PCDH10: variants seen among roughly 807,000 people sequenced by gnomAD.
PCDH10 encodes protocadherin-10.
A neutral mutation model predicts 74.4 loss-of-function variants in PCDH10; 15 were observed. That is an observed-to-expected ratio of 0.20 (90% CI 0.13 to 0.31). The LOEUF is 0.31. Among genes scored for constraint, PCDH10 ranks in the 10% least tolerant of loss-of-function variants. The pLI is 1.00. For missense variants in PCDH10, 1,260 were observed against 1,390.2 expected, an observed-to-expected ratio of 0.91 and a Z score of 1.49; for synonymous variants, 619 against 589.8, an observed-to-expected ratio of 1.05 and a Z score of -0.72.
intron 4 of PCDH10, among the ~76,000 whole-genome samples, chr4:133,185,267 T>G (rs1727522345): frequency 6.6e-6 from 1 of 151,080 alleles, no homozygotes; most frequent in African/African-American, 2.4e-5. Context: ...CCAAACAATA[T>G]ACAACTATAT....
intron 4 of PCDH10, among the ~76,000 whole-genome samples, chr4:133,181,609 G>T (rs1462599121): frequency 6.6e-6 from 1 of 151,810 alleles, no homozygotes; most frequent in Non-Finnish European, 1.5e-5. Context: ...CCAACTCAAG[G>T]GGTTATCAGA....
At chr4:133,197,969 T>TTGTG (rs70957500), downstream of PCDH10, among the ~76,000 whole-genome samples, 12,379 of 144,904 alleles carry the variant, frequency 0.085, 562 homozygotes, top group Non-Finnish European at 0.11. Context: ...TCTCTCAAAA[T>TTGTG]TGTGTGTGTG....
At chr4:133,201,625 G>A (rs957464591) in intron 2 of PCDH10, among the ~76,000 whole-genome samples, 3 of 152,068 alleles carry the variant, frequency 2.0e-5, no homozygotes, top group African/African-American at 7.2e-5. Context: ...GGGAGGCCAA[G>A]GTGGGCAGAT....
At chr4:133,202,247 T>C (rs1459874002) in intron 2 of PCDH10, among the ~76,000 whole-genome samples, 1 of 152,146 alleles carries the variant, frequency 6.6e-6, no homozygotes, top group Non-Finnish European at 1.5e-5. Flanking sequence ...TTGCAGAGAA[T>C]ACAGATGTGG....
chr4:133,172,233 G>T (rs1443912947), intron 4 of PCDH10, among the ~76,000 whole-genome samples: 1 of 151,860 alleles, frequency 6.6e-6, no homozygotes, highest in African/African-American at 2.4e-5. Flanking sequence ...TTTACACTTT[G>T]CTTGTAAAAG....
chr4:133,152,279 C>T lies in PCDH10; in HGVS notation c.2139C>T (p.Asp713=). 3.1e-6 allele frequency: 5 copies of T among 1,614,030 alleles called. 1 individual carries two copies. The Middle Eastern group carries it at 6.6e-4, about 213-fold the overall frequency. Residue 713 remains aspartate, a synonymous_variant, in exon 1 of 5, where the codon GAC becomes GAT. Coordinates refer to ENST00000264360, the MANE Select transcript of PCDH10 (RefSeq NM_032961.3). ...SRSGGGETSL[D]LTLILIIALG... is the part of the protein sequence containing the mutation. ...CTGGCGGCGGGGAAACCTCGCTAGA[C>T]CTCACCCTCATCCTCATCATCGCGT... is the stretch of plus-strand genomic sequence containing the variant.
intron 4 of PCDH10, among the ~76,000 whole-genome samples, chr4:133,184,238 T>C (rs1727480712): frequency 1.3e-5 from 2 of 152,080 alleles, no homozygotes; most frequent in South Asian, 4.1e-4. Context: ...CCTGTCAAAA[T>C]AGAATAAAAA....
chr4:133,172,950 A>T (rs555170883), intron 4 of PCDH10, among the ~76,000 whole-genome samples: 95 of 152,080 alleles, frequency 6.2e-4, no homozygotes, highest in Admixed American at 1.6e-3. Context: ...CTTTATGGCT[A>T]GTCTATCAGA....
At chr4:133,153,222 CAAGT>C in intron 1 of PCDH10, 1 of 1,049,588 alleles carries the variant, frequency 9.5e-7, no homozygotes, top group African/African-American at 1.7e-5. Context: ...GTCGCGTGTA[CAAGT>C]AAGCTATAGA....
intron 4 of PCDH10, among the ~76,000 whole-genome samples, chr4:133,169,351 G>T (rs184869292): frequency 4.6e-5 from 7 of 151,662 alleles, no homozygotes; most frequent in East Asian, 1.9e-4. Flanking sequence ...TCATTTAAGG[G>T]CATATAGAGA....
At chr4:133,159,024 G>A (rs1254464726) in intron 3 of PCDH10, among the ~76,000 whole-genome samples, 2 of 151,890 alleles carry the variant, frequency 1.3e-5, no homozygotes, top group African/African-American at 4.8e-5. Flanking sequence ...AAAACATACT[G>A]CAATTTTTGT....
chr4:133,208,478 C>T (rs895266684), exon 3 of PCDH10: 1 of 152,000 alleles, frequency 6.6e-6, no homozygotes, highest in African/African-American at 2.4e-5. Flanking sequence ...TGTTGCTTTA[C>T]CTTCGTCTTC....
intron 3 of PCDH10, among the ~76,000 whole-genome samples, chr4:133,160,471 C>T (rs1726944469): frequency 6.7e-6 from 1 of 150,202 alleles, no homozygotes; most frequent in African/African-American, 2.4e-5. Context: ...CTTGTGTGAA[C>T]TTTACTACAT....
rs777517473 is a variant in PCDH10, at chr4:133,150,347, G to T, written c.207G>T (p.Glu69Asp). ...CCCCTTACTTAGACCTCAACCTGGA[G>T]ACAGGGGTGCTGTACGTGAACGAGA... ...SRTPYLDLNL[E>D]TGVLYVNEKI... The change falls in exon 1 of 5, where the codon GAG (glutamate) becomes GAT (aspartate). Residue 69 changes from glutamate to aspartate, a missense_variant. This residue lies in a region of PCDH10 where 103 missense variants were observed against 91.5 expected (regional missense o/e 1.13). Coordinates refer to ENST00000264360, the MANE Select transcript of PCDH10 (RefSeq NM_032961.3). 5 of 1,613,800 alleles carry T rather than the reference G, an allele frequency of 3.1e-6. No homozygotes were observed. The highest frequency in any genetic ancestry group is 4.2e-6 in the Non-Finnish European group (5 of 1,179,904).
At chr4:133,155,296 A>G (rs890861570) in intron 3 of PCDH10, among the ~76,000 whole-genome samples, 2 of 152,262 alleles carry the variant, frequency 1.3e-5, no homozygotes, top group Non-Finnish European at 2.9e-5. Context: ...TAATGGACAC[A>G]TTGCATACAG....
In PCDH10 at chr4:133,153,275, G is replaced by C. The variant is rs1025992748; in HGVS notation, c.2631+504G>C. On this transcript the variant is annotated intron_variant, in intron 1 of 4. Coordinates refer to ENST00000264360, the MANE Select transcript of PCDH10 (RefSeq NM_032961.3). ...CACAGTTGTCTAACCTCGAATTCAT[G>C]TTTTAGTGAACAAGTTACCAGATCC... is the stretch of plus-strand genomic sequence containing the variant. 3.0e-6 allele frequency: 3 copies of C among 1,008,252 alleles called. No homozygotes were observed. The African/African-American group carries it at 5.2e-5, about 18-fold the overall frequency. The allele number at this position is 1,008,252 out of a possible 1,614,324, so 62.5% of individuals were successfully genotyped here. A position where few individuals can be genotyped will look rare whatever the true frequency, so the allele number is the denominator to read the frequency against.
At chr4:133,160,017 A>G (rs1391481257) in intron 3 of PCDH10, among the ~76,000 whole-genome samples, 1 of 152,012 alleles carries the variant, frequency 6.6e-6, no homozygotes, top group African/African-American at 2.4e-5. Context: ...AGTATCTTCC[A>G]AAGGTGAGGA....
At position 133,151,423 on chromosome 4, in the gene PCDH10, C is replaced by A. The variant is rs115793740; in HGVS notation, c.1283C>A (p.Ser428Tyr). Reference protein sequence around the residue: ...EAPLDREAGDSYTLTVVARDR... With the variant: ...EAPLDREAGDYYTLTVVARDR... The stretch of plus-strand genomic sequence containing the variant: ...CCCCTGGACCGAGAGGCGGGGGACT[C>A]CTACACCCTGACTGTAGTGGCTCGG... Residue 428 changes from serine (S) to tyrosine (Y), a missense_variant, in exon 1 of 5, where the codon TCC (serine) becomes TAC (tyrosine). Ser to Tyr is a moderately radical substitution (Grantham distance 144). Transcript: ENST00000264360. 6.2e-7 allele frequency: 1 copy of A among 1,614,064 alleles called. No individual in the cohort carries two copies. The highest frequency in any genetic ancestry group is 1.1e-5 in the South Asian group (1 of 91,086).
chr4:133,163,045 C>G lies in PCDH10; in HGVS notation c.2866C>G (p.Pro956Ala). 6.2e-7 allele frequency: 1 copy of G among 1,614,152 alleles called. No homozygotes were observed. The highest frequency in any genetic ancestry group is 8.5e-7 in the Non-Finnish European group (1 of 1,180,006). The change falls in exon 4 of 5, where the codon CCT becomes GCT. Residue 956 changes from proline (P) to alanine (A), a missense_variant. By Grantham distance (27) the Pro-to-Ala change is conservative (BLOSUM62 -1). Around this residue, in one of 11 missense-constraint regions of PCDH10, gnomAD observed 136 missense variants for 149.3 expected, o/e 0.91. Transcript: ENST00000264360. ...ALGHSDRCWM[P>A]SFVPSDGRQA... ...GGGCCACTCAGATCGGTGCTGGATG[C>G]CTTCTTTTGTCCCTTCTGATGGACG...
Sources: allele counts gnomAD v4.1 joint callset (sites outside exome capture counted in the v4.1 genomes callset), GRCh38; gene constraint gnomAD v4.1.1; regional missense constraint gnomAD v4.1.1; transcripts MANE v1.5; gene names NCBI Gene and HGNC (gene_info 2026-07-23, HGNC 2026-07-21).